Variants in BCL2L14 observed in about 807,000 individuals in gnomAD.
BCL2L14 encodes BCL2 like 14.
A neutral mutation model predicts 35.3 loss-of-function variants in BCL2L14; 27 were observed. The ratio of observed to expected loss-of-function variants is 0.76; its 90% CI spans 0.56 to 1.05. The LOEUF (loss-of-function observed/expected upper bound fraction) is 1.05. BCL2L14 is among the 50% of genes least tolerant of loss of function. The pLI, the probability that BCL2L14 is intolerant of heterozygous loss-of-function variation, is 0.00. For missense variants in BCL2L14, 377 were observed against 382.6 expected (o/e 0.99, Z 0.12); for synonymous variants, 139 against 145.9 (o/e 0.95, Z 0.34).
chr12:12,050,290 G>A (rs866808473), intron 1 of BCL2L14, among the ~76,000 whole-genome samples: 1 of 151,998 alleles, frequency 6.6e-6, no homozygotes, highest in Non-Finnish European at 1.5e-5. Flanking sequence ...TCAATTAGCT[G>A]GGCGTGGTGG....
At position 12,060,878 on chromosome 12, in the gene BCL2L14, G is replaced by A. The variant is rs1461204128; in HGVS notation, c.-272+9031G>A. ...AAGACTGACGCTGCCCGATAGCTTC[G>A]GAAGTCCCGTAGACCATCACAGATG... On this transcript the variant is annotated intron_variant, in intron 2 of 3. Coordinates refer to the BCL2L14 transcript ENST00000461264. Among the ~76,000 whole-genome samples, 27 of 102,500 alleles carry A rather than the reference G, an allele frequency of 2.6e-4. 1 individual carries two copies. Among genetic ancestry groups the A allele is most frequent in the South Asian group, 1.2e-3 (3 of 2,538 alleles). 67.2% of individuals were successfully genotyped at this position (102,500 alleles called of 152,430 possible).
At chr12:12,069,741 A>G (rs1948641733), upstream of BCL2L14, among the ~76,000 whole-genome samples, 1 of 151,952 alleles carries the variant, frequency 6.6e-6, no homozygotes, top group Admixed American at 6.6e-5. Flanking sequence ...AAGTTTTTAT[A>G]AAAAGAGAAA....
At chr12:12,088,700 G>C (rs1949101405) in intron 3 of BCL2L14, among the ~76,000 whole-genome samples, 1 of 152,124 alleles carries the variant, frequency 6.6e-6, no homozygotes, top group African/African-American at 2.4e-5. Context: ...CTAACAGTGA[G>C]GCCAAGGTGG....
intron 2 of BCL2L14, among the ~76,000 whole-genome samples, chr12:12,057,187 A>G (rs972482914): frequency 1.3e-5 from 2 of 152,242 alleles, no homozygotes; most frequent in Non-Finnish European, 2.9e-5. Flanking sequence ...TATCTACAGG[A>G]CAATAAACAA....
At chr12:12,061,612 C>T (rs370776694) in intron 2 of BCL2L14, among the ~76,000 whole-genome samples, 17,772 of 151,398 alleles carry the variant, frequency 0.12, 1,096 homozygotes, top group Admixed American at 0.17. Context: ...CCCTCCACAA[C>T]CCATTATTCT....
chr12:12,087,150 C>G lies in BCL2L14; in HGVS notation c.434-63C>G, dbSNP rs936389305. ...GGTCTTTTCATTCCAGGCAACTTTG[C>G]ATACCAATGAGCCAGATGAAGTTCT... is the stretch of plus-strand genomic sequence containing the variant. On this transcript the variant is annotated intron_variant, in intron 2 of 5. Coordinates refer to ENST00000308721, the MANE Select transcript of BCL2L14 (RefSeq NM_138723.2). The G allele has an allele frequency of 7.7e-6, 12 of 1,551,004 alleles. No individual in the cohort carries two copies. The African/African-American group carries it at 1.6e-4, about 21-fold the overall frequency.
At chr12:12,072,948 G>A (rs1300894270) in intron 1 of BCL2L14, among the ~76,000 whole-genome samples, 7 of 151,758 alleles carry the variant, frequency 4.6e-5, no homozygotes, top group East Asian at 1.9e-4. Context: ...GTGCACTGGC[G>A]CGATCATAGC....
rs143115045 is a variant in BCL2L14, at chr12:12,096,703, A to G, written c.945+1773A>G. ...AAAGCAACATTGAGCTCTATCCACT[A>G]CAGTGGCTAAAATGAAAAAGAAAAG... On this transcript the variant is annotated intron_variant, in intron 5 of 5. Coordinates refer to ENST00000308721, the MANE Select transcript of BCL2L14 (RefSeq NM_138723.2). Among the ~76,000 whole-genome samples the G allele has an allele frequency of 4.6e-5, 7 of 152,342 alleles. No individual in the cohort carries two copies. In the East Asian group the frequency reaches 9.6e-4, roughly 21 times the overall value.
intron 3 of BCL2L14, among the ~76,000 whole-genome samples, chr12:12,088,378 C>G (rs908014172): frequency 6.6e-5 from 10 of 152,096 alleles, no homozygotes; most frequent in Admixed American, 6.5e-4. Flanking sequence ...CATCTTATTA[C>G]GCAAGTGGGC....
At chr12:12,078,176 CGTAAAAA>C (rs1392918599) in intron 1 of BCL2L14, 1 of 163,394 alleles carries the variant, frequency 6.1e-6, no homozygotes, top group East Asian at 1.7e-4. Flanking sequence ...GTTTCAAATT[CGTAAAAA>C]GTAAAATAAA....
At chr12:12,098,872 G>A (rs1949371719) in intron 5 of BCL2L14, 78 bp from the exon 6 acceptor site, 1 of 1,051,552 alleles carries the variant, frequency 9.5e-7, no homozygotes, top group South Asian at 1.3e-5. Context: ...CTGGGATAGA[G>A]CAGAGTTAGC....
At chr12:12,093,949 A>T (rs146178627) in intron 4 of BCL2L14, among the ~76,000 whole-genome samples, 144 of 151,868 alleles carry the variant, frequency 9.5e-4, no homozygotes, top group African/African-American at 3.3e-3. Context: ...ACAAAAAAAT[A>T]GAAAAAAATT....
Position 12,099,447 on chromosome 12 carries a change from A to C in BCL2L14, c.*459A>C, listed in dbSNP as rs1232989483. 1.3e-5 allele frequency: 2 copies of C among 156,110 alleles called. No individual in the cohort carries two copies. The highest frequency in any genetic ancestry group is 1.4e-5 in the Non-Finnish European group (1 of 70,936). The allele number at this position is 156,110 out of a possible 1,614,324, so 9.7% of individuals were successfully genotyped here. A position where few individuals can be genotyped will look rare whatever the true frequency, so the allele number is the denominator to read the frequency against. ...AATACCTAGGAAGATGTTGCTATTC[A>C]CGTTAGTAAACAGCCTAAAGAAACT... On this transcript the variant is annotated 3_prime_UTR_variant, in exon 6 of 6. Transcript: ENST00000308721.
intron 2 of BCL2L14, among the ~76,000 whole-genome samples, chr12:12,082,398 C>A (rs1948948199): frequency 6.6e-6 from 1 of 152,210 alleles, no homozygotes; most frequent in Non-Finnish European, 1.5e-5. Context: ...GGCTCTGGGG[C>A]AAAGAACAGT....
At chr12:12,064,998 G>T (rs1282943695) in intron 2 of BCL2L14, among the ~76,000 whole-genome samples, 1 of 152,192 alleles carries the variant, frequency 6.6e-6, no homozygotes, top group African/African-American at 2.4e-5. Context: ...CCACAGATAA[G>T]AGGATCTTCC....
At chr12:12,081,382 G>A (rs1187671033) in intron 2 of BCL2L14, among the ~76,000 whole-genome samples, 1 of 151,230 alleles carries the variant, frequency 6.6e-6, no homozygotes, top group African/African-American at 2.4e-5. Flanking sequence ...TTGAGCTCAG[G>A]AGGTCAAGGC....
intron 2 of BCL2L14, among the ~76,000 whole-genome samples, chr12:12,061,960 G>A (rs1417334845): frequency 6.6e-6 from 1 of 152,132 alleles, no homozygotes; most frequent in Non-Finnish European, 1.5e-5. Flanking sequence ...CAAGAGCCAG[G>A]ACCGCACCCT....
At chr12:12,050,793 T>TAAAAAAAAAAAAA (rs3052084) in intron 1 of BCL2L14, among the ~76,000 whole-genome samples, 121 of 88,228 alleles carry the variant, frequency 1.4e-3, no homozygotes, top group African/African-American at 4.6e-3. Context: ...GCTGATGAGC[T>TAAAAAAAAAAAAA]AAAAAAAAAA....
intron 5 of BCL2L14, 65 bp from the exon 6 acceptor site, chr12:12,098,885 C>A: frequency 8.7e-7 from 1 of 1,146,060 alleles, no homozygotes; most frequent in Non-Finnish European, 1.3e-6. Flanking sequence ...GAGTTAGCAG[C>A]CATATGTTTT....
Sources: allele counts gnomAD v4.1 joint callset (sites outside exome capture counted in the v4.1 genomes callset), GRCh38; gene constraint gnomAD v4.1.1; transcripts MANE v1.5; gene names NCBI Gene and HGNC (gene_info 2026-07-23, HGNC 2026-07-21).